ETFA: variants seen among roughly 807,000 people sequenced by gnomAD.
The protein encoded by ETFA is electron transfer flavoprotein subunit alpha, mitochondrial.
ETFA carries 22 observed loss-of-function variants against 46.2 expected under a neutral mutation model. That is an observed-to-expected ratio of 0.48 (90% CI 0.34 to 0.68). The LOEUF is 0.68. Among genes scored for constraint, ETFA ranks in the 30% least tolerant of loss-of-function variants. The probability of loss-of-function intolerance (pLI) is 0.01; values close to 1 mark genes in which losing one functional copy is unlikely to be tolerated. For missense variants in ETFA, 345 were observed against 401.1 expected (o/e 0.86, Z 1.19); for synonymous variants, 131 against 139.9 (o/e 0.94, Z 0.45).
At chr15:76,276,273 C>T (rs1384362151) in intron 8 of ETFA, among the ~76,000 whole-genome samples, 1 of 152,040 alleles carries the variant, frequency 6.6e-6, no homozygotes, top group East Asian at 1.9e-4. Flanking sequence ...CATTTTACTA[C>T]ACTCTCTTCT....
chr15:76,288,342 A>G (rs1031661316), intron 4 of ETFA, among the ~76,000 whole-genome samples: 5 of 152,216 alleles, frequency 3.3e-5, no homozygotes, highest in African/African-American at 2.4e-5. Context: ...ATGCTTGTAT[A>G]CATTTACTTA....
At chr15:76,265,088 G>A (rs370053806) in intron 9 of ETFA, among the ~76,000 whole-genome samples, 2 of 151,142 alleles carry the variant, frequency 1.3e-5, no homozygotes, top group Non-Finnish European at 3.0e-5. Flanking sequence ...CGCCACAGCA[G>A]ACAGTGCTGC....
chr15:76,252,876 T>TACACACACACACACACAC (rs34804508), intron 9 of ETFA, among the ~76,000 whole-genome samples: 2,238 of 147,546 alleles, frequency 0.015, 55 homozygotes, highest in African/African-American at 0.053. Flanking sequence ...TGTATGTGTA[T>TACACACACACACACACAC]ACACACACAC....
intron 9 of ETFA, among the ~76,000 whole-genome samples, chr15:76,268,815 A>T (rs985323409): frequency 6.6e-6 from 1 of 152,266 alleles, no homozygotes; most frequent in Non-Finnish European, 1.5e-5. Flanking sequence ...GGCAATTAAG[A>T]GCTGCACAGC....
chr15:76,245,252 G>A (rs901640484), intron 9 of ETFA: 7 of 152,064 alleles, frequency 4.6e-5, no homozygotes, highest in African/African-American at 1.7e-4. Flanking sequence ...CTGTCCTCTT[G>A]GGAACAAAAC....
rs554392821 is a variant in ETFA, at chr15:76,231,481, C to G, written c.817-83G>C. On this transcript the variant is annotated intron_variant, in intron 9 of 11. Transcript: ENST00000557943. Reference sequence around the variant, plus strand: ...AGTGTTTGCTGTTAGCAATTTAAGTCTTAGGCAAAAGATATGTTAAATAAA... The same window carrying G: ...AGTGTTTGCTGTTAGCAATTTAAGTGTTAGGCAAAAGATATGTTAAATAAA... The G allele has an allele frequency of 4.2e-5, 36 of 847,508 alleles. No individual in the cohort carries two copies. In the African/African-American group the frequency reaches 6.0e-4, roughly 14 times the overall value. The allele number at this position is 847,508 out of a possible 1,614,324, so 52.5% of individuals were successfully genotyped here.
chr15:76,267,412 T>C (rs2039480794), intron 9 of ETFA, among the ~76,000 whole-genome samples: 1 of 152,250 alleles, frequency 6.6e-6, no homozygotes, highest in Non-Finnish European at 1.5e-5. Context: ...TTCGCAAGAA[T>C]GGCAAGTTAA....
At chr15:76,260,381 C>T (rs1010914927) in intron 9 of ETFA, 551 of 1,542,712 alleles carry the variant, frequency 3.6e-4, no homozygotes, top group African/African-American at 4.5e-4. Flanking sequence ...GGGCAGCAGC[C>T]GTCACCAGGG....
chr15:76,300,999 T>G (rs2039874660), intron 1 of ETFA, among the ~76,000 whole-genome samples: 1 of 152,212 alleles, frequency 6.6e-6, no homozygotes, highest in Admixed American at 6.5e-5. Flanking sequence ...CCACGTTGCC[T>G]GGGTTTGAAT....
chr15:76,277,548 G>A (rs913338353), intron 8 of ETFA, among the ~76,000 whole-genome samples: 20 of 151,930 alleles, frequency 1.3e-4, no homozygotes, highest in Admixed American at 7.2e-4. Context: ...TGTCGCCCAG[G>A]CTGGAGTACA....
chr15:76,226,229 A>G (rs896327180), intron 10 of ETFA: 3 of 312,422 alleles, frequency 9.6e-6, no homozygotes, highest in Admixed American at 9.6e-5. Flanking sequence ...TAACAAATCT[A>G]TACCCAAATC....
intron 11 of ETFA, among the ~76,000 whole-genome samples, chr15:76,224,004 G>C (rs1387756927): frequency 6.6e-6 from 1 of 152,172 alleles, no homozygotes; most frequent in African/African-American, 2.4e-5. Context: ...TTACTTACAA[G>C]TTTATTAAAA....
At chr15:76,232,109 C>T (rs2469536) in intron 9 of ETFA, among the ~76,000 whole-genome samples, 149,013 of 152,268 alleles carry the variant, frequency 0.98, 72,996 homozygotes, top group South Asian at 1. Flanking sequence ...CTCCATACCA[C>T]AGTTTTTTGG....
intron 9 of ETFA, among the ~76,000 whole-genome samples, chr15:76,269,414 G>A (rs1205550400): frequency 1.3e-5 from 2 of 152,116 alleles, no homozygotes; most frequent in East Asian, 1.9e-4. Flanking sequence ...GTAGCCATAC[G>A]TTTCAAAGAA....
In ETFA at chr15:76,216,483, T is replaced by C. The variant is rs1226606193; in HGVS notation, c.*76A>G. The C allele has an allele frequency of 1.1e-6, 1 of 899,706 alleles. No individual in the cohort carries two copies. The highest frequency in any genetic ancestry group is 1.6e-5 in the African/African-American group (1 of 61,082). The allele number at this position is 899,706 out of a possible 1,614,324, so 55.7% of individuals were successfully genotyped here. On this transcript the variant is annotated 3_prime_UTR_variant, in exon 12 of 12. Transcript: ENST00000557943. ...AGCTCTCCATGCTTTCCAATGATTG[T>C]TATAATACCCACAAATATCTGTGAT...
intron 4 of ETFA, among the ~76,000 whole-genome samples, chr15:76,289,457 G>T (rs1369280178): frequency 6.6e-6 from 1 of 152,060 alleles, no homozygotes; most frequent in African/African-American, 2.4e-5. Flanking sequence ...AATGTCTTTT[G>T]TATTTTCATT....
At chr15:76,220,082 T>G (rs1178067564) in intron 11 of ETFA, among the ~76,000 whole-genome samples, 1 of 152,220 alleles carries the variant, frequency 6.6e-6, no homozygotes, top group African/African-American at 2.4e-5. Context: ...TTTGTTTTTT[T>G]TCTGAGATGG....
intron 10 of ETFA, chr15:76,230,277 AGTG>A (rs1449535355): frequency 2.3e-4 from 12 of 51,104 alleles, no homozygotes; most frequent in Non-Finnish European, 3.9e-4. Context: ...CCCAGGCTGG[AGTG>A]CAGTGGCGCG....
chr15:76,240,555 A>G (rs1227350733), intron 9 of ETFA, among the ~76,000 whole-genome samples: 1 of 152,220 alleles, frequency 6.6e-6, no homozygotes, highest in Non-Finnish European at 1.5e-5. Flanking sequence ...GCTCAACTAC[A>G]AAGTTAAAAG....
Sources: gnomAD v4.1 joint callset for allele counts (sites outside exome capture counted in the v4.1 genomes callset) on GRCh38, gnomAD v4.1.1 for gene constraint, MANE v1.5 for transcripts, NCBI Gene and HGNC (gene_info 2026-07-23, HGNC 2026-07-21) for gene names.